The following BCORL1 variants were observed in gnomAD, a reference collection of about 807,000 sequenced individuals.
The protein encoded by BCORL1 is BCL-6 corepressor-like protein 1.
BCORL1 carries 7 observed loss-of-function variants against 87.6 expected under a neutral mutation model. That is an observed-to-expected ratio of 0.08 (90% CI 0.05 to 0.15). The LOEUF is 0.15. Ranked by LOEUF, BCORL1 falls within the 10% of genes least tolerant of loss-of-function variation. BCORL1 has a pLI of 1.00. For missense variants in BCORL1, 1,215 were observed against 1,499.7 expected, an observed-to-expected ratio of 0.81 and a Z score of 3.13; for synonymous variants, 591 against 634.4, an observed-to-expected ratio of 0.93 and a Z score of 1.03.
At chrX:129,989,188 T>G (rs1383822254) in intron 1 of BCORL1, among the ~76,000 whole-genome samples, 2 of 110,002 alleles carry the variant, frequency 1.8e-5, no homozygotes, top group Non-Finnish European at 1.9e-5. Flanking sequence ...CAGGCTGGAG[T>G]GTAGTGGCAT....
chrX:130,017,623 ATAT>A (rs1929534037), intron 4 of BCORL1, among the ~76,000 whole-genome samples: 1 of 107,562 alleles, frequency 9.3e-6, no homozygotes, highest in Admixed American at 1.0e-4. Flanking sequence ...CAGCTATACC[ATAT>A]TATCTTCCAC....
chrX:129,992,811 G>A (rs182218566), intron 1 of BCORL1, among the ~76,000 whole-genome samples: 45 of 111,176 alleles, frequency 4.0e-4, no homozygotes, highest in African/African-American at 1.4e-3. Flanking sequence ...GTCTGCCTCG[G>A]CCTCTCAGTG....
At position 130,028,756 on chromosome X, in the gene BCORL1, C is replaced by T; in HGVS notation, c.4200C>T (p.Leu1400=). ...TCTCGGATTCACCAAACGGTTTCCT[C>T]CCAAATAACCTGGAAGAGCCAGCCT... ...QGISDSPNGF[L]PNNLEEPACL... The change falls in exon 8 of 14, where the codon CTC becomes CTT. Residue 1400 remains leucine (L), a synonymous_variant. Coordinates refer to ENST00000540052, the MANE Select transcript of BCORL1 (RefSeq NM_001379451.1). The T allele has an allele frequency of 8.3e-7, 1 of 1,210,963 alleles. No individual in the cohort carries two copies. Among genetic ancestry groups the T allele is most frequent in the Non-Finnish European group, 1.1e-6 (1 of 895,291 alleles).
At chrX:130,005,429 C>A in intron 2 of BCORL1, 112 bp downstream of exon 2, 1 of 668,659 alleles carries the variant, frequency 1.5e-6, no homozygotes, top group Non-Finnish European at 2.3e-6. Flanking sequence ...GAGGAGAAGA[C>A]TCTTAGTTGT....
chrX:130,033,697 A>G (rs748096063), intron 8 of BCORL1, among the ~76,000 whole-genome samples: 1 of 112,105 alleles, frequency 8.9e-6, no homozygotes, highest in African/African-American at 3.2e-5. Flanking sequence ...AGTCAAAGAT[A>G]GCCGGCCGGG....
intron 11 of BCORL1, among the ~76,000 whole-genome samples, chrX:130,046,286 C>CA: frequency 9.0e-6 from 1 of 110,554 alleles, no homozygotes; most frequent in East Asian, 2.9e-4. Context: ...GACCCTGTCT[C>CA]AAAAAAATAA....
At chrX:130,054,369 A>G (rs1449264701) in intron 13 of BCORL1, among the ~76,000 whole-genome samples, 2 of 111,796 alleles carry the variant, frequency 1.8e-5, no homozygotes, top group Non-Finnish European at 3.8e-5. Flanking sequence ...TGGAAGAACA[A>G]TGAGTTACAC....
At position 130,014,114 on chromosome X, in the gene BCORL1, C is replaced by T; in HGVS notation, c.1342C>T (p.Pro448Ser). The T allele has an allele frequency of 2.5e-6, 3 of 1,210,892 alleles. No individual in the cohort carries two copies. Among genetic ancestry groups the T allele is most frequent in the Non-Finnish European group, 3.4e-6 (3 of 895,102 alleles). The change falls in exon 4 of 14, where the codon CCG becomes TCG. Residue 448 changes from proline to serine, a missense_variant. Pro to Ser is a moderately conservative substitution (Grantham distance 74, BLOSUM62 -1). Coordinates refer to ENST00000540052, the MANE Select transcript of BCORL1 (RefSeq NM_001379451.1). ...QPGTVLTPSQPLVYIPPPSCG... is the reference protein window; with the variant it reads ...QPGTVLTPSQSLVYIPPPSCG... ...AGGGACAGTGCTGACCCCGAGCCAG[C>T]CGCTGGTATATATCCCGCCTCCAAG...
chrX:130,052,931 C>T (rs985980297), intron 13 of BCORL1, among the ~76,000 whole-genome samples: 2 of 111,901 alleles, frequency 1.8e-5, no homozygotes, highest in Non-Finnish European at 3.8e-5. Flanking sequence ...TGCTTGAGGC[C>T]AGGAGTTCCA....
At chrX:130,011,129 G>A (rs1357218163) in intron 2 of BCORL1, among the ~76,000 whole-genome samples, 1 of 108,452 alleles carries the variant, frequency 9.2e-6, no homozygotes, top group East Asian at 2.9e-4. Context: ...GCCCACCCAG[G>A]AAACGCACTG....
intron 1 of BCORL1, among the ~76,000 whole-genome samples, chrX:129,993,710 A>G (rs967859244): frequency 8.9e-6 from 1 of 112,395 alleles, no homozygotes; most frequent in Non-Finnish European, 1.9e-5. Context: ...AAATGTAAGC[A>G]AAAGATTAAA....
intron 11 of BCORL1, among the ~76,000 whole-genome samples, chrX:130,043,497 C>G (rs1408806574): frequency 9.1e-6 from 1 of 109,431 alleles, no homozygotes; most frequent in Non-Finnish European, 1.9e-5. Flanking sequence ...AGTGTGGAGA[C>G]TGGAGGCTGG....
chrX:130,045,227 G>A (rs1237382776), intron 11 of BCORL1, among the ~76,000 whole-genome samples: 1 of 112,278 alleles, frequency 8.9e-6, no homozygotes, highest in East Asian at 2.8e-4. Context: ...GCTGGCTGAA[G>A]GAAAACAGAC....
intron 11 of BCORL1, among the ~76,000 whole-genome samples, chrX:130,050,126 C>T (rs762488494): frequency 5.4e-5 from 6 of 110,459 alleles, no homozygotes; most frequent in Non-Finnish European, 1.1e-4. Flanking sequence ...GTGAAATTGC[C>T]CAATTTAAAA....
chrX:129,998,292 T>C (rs1022398979), intron 1 of BCORL1, among the ~76,000 whole-genome samples: 1 of 108,388 alleles, frequency 9.2e-6, no homozygotes, highest in Non-Finnish European at 1.9e-5. Context: ...CCAGGTTTCT[T>C]CCAAGTTCCT....
At chrX:130,004,262 T>TTTTTTTA (rs1166787622) in intron 1 of BCORL1, among the ~76,000 whole-genome samples, 1 of 101,899 alleles carries the variant, frequency 9.8e-6, no homozygotes, top group African/African-American at 3.7e-5. Flanking sequence ...TTTTTTTTTT[T>TTTTTTTA]GAGACAGAGT....
At position 130,014,314 on chromosome X, in the gene BCORL1, G is replaced by C. The variant is rs778697850; in HGVS notation, c.1542G>C (p.Ser514=). The C allele has an allele frequency of 1.7e-6, 2 of 1,209,038 alleles. No homozygotes were observed. The highest frequency in any genetic ancestry group is 3.5e-5 in the African/African-American group (2 of 56,839). Residue 514 remains serine (S), a synonymous_variant, in exon 4 of 14, where the codon TCG becomes TCC. Transcript: ENST00000540052. ...YAFSVARPLT[S]DSKLVSLEVN... ...TTTCTGTGGCCCGGCCTCTGACTTC[G>C]GATTCCAAGCTGGTATCTCTGGAGG... is the stretch of plus-strand genomic sequence containing the variant.
At chrX:130,053,303 C>T (rs1326465409) in intron 13 of BCORL1, among the ~76,000 whole-genome samples, 1 of 108,600 alleles carries the variant, frequency 9.2e-6, no homozygotes, top group African/African-American at 3.4e-5. Context: ...CCCCCCACCA[C>T]CCCACACGCA....
chrX:130,056,247 C>A lies in BCORL1; in HGVS notation c.*111C>A. The A allele has an allele frequency of 2.4e-6, 2 of 828,016 alleles. No homozygotes were observed. The highest frequency in any genetic ancestry group is 1.6e-6 in the Non-Finnish European group (1 of 606,275). 68.2% of individuals were successfully genotyped at this position (828,016 alleles called of 1,213,427 possible). A position where few individuals can be genotyped will look rare whatever the true frequency, so the allele number is the denominator to read the frequency against. On this transcript the variant is annotated 3_prime_UTR_variant, in exon 14 of 14. Transcript: ENST00000540052. ...TGCAGAATGAGGCAATAATACGGACCAACAAGAAGCCGCCTTATCAATGCC... is the reference window on the plus strand; with the variant it reads ...TGCAGAATGAGGCAATAATACGGACAAACAAGAAGCCGCCTTATCAATGCC...
Sources: gnomAD v4.1 joint callset for allele counts (sites outside exome capture counted in the v4.1 genomes callset) on GRCh38, gnomAD v4.1.1 for gene constraint, MANE v1.5 for transcripts, NCBI Gene and HGNC (gene_info 2026-07-23, HGNC 2026-07-21) for gene names.